The following TMPRSS6 variants were observed in gnomAD, a reference collection of about 807,000 sequenced individuals.
TMPRSS6 encodes the protein transmembrane protease serine 6.
In TMPRSS6, 67 loss-of-function variants were observed where a neutral mutation model predicts 101.5. The ratio of observed to expected loss-of-function variants is 0.66; its 90% CI spans 0.54 to 0.81. The LOEUF is 0.81. TMPRSS6 is among the 30% of genes least tolerant of loss of function. The pLI is 0.00. For missense variants in TMPRSS6, 1,034 were observed against 1,088.7 expected (o/e 0.95, Z 0.71); for synonymous variants, 453 against 464.9 (o/e 0.97, Z 0.33).
intron 2 of TMPRSS6, among the ~76,000 whole-genome samples, chr22:37,102,538 A>G (rs1930411770): frequency 6.6e-6 from 1 of 152,196 alleles, no homozygotes; most frequent in Non-Finnish European, 1.5e-5. Flanking sequence ...GAATGAATGA[A>G]CGGAGGCCTG....
chr22:37,067,236 T>C (rs908531466), intron 16 of TMPRSS6, among the ~76,000 whole-genome samples: 7 of 152,138 alleles, frequency 4.6e-5, no homozygotes, highest in Non-Finnish European at 8.8e-5. Flanking sequence ...TTTGGGAGGC[T>C]GAGGCGGACG....
chr22:37,096,833 G>A (rs1929809697), intron 3 of TMPRSS6, 118 bp from the exon 4 acceptor site: 1 of 1,012,636 alleles, frequency 9.9e-7, no homozygotes, highest in East Asian at 2.6e-5. Context: ...GATTCTCCAA[G>A]GTGGACAGGC....
At chr22:37,076,237 A>C (rs972837661) in intron 10 of TMPRSS6, among the ~76,000 whole-genome samples, 3 of 151,662 alleles carry the variant, frequency 2.0e-5, no homozygotes, top group Admixed American at 2.0e-4. Flanking sequence ...AGGGGGCAGC[A>C]GTGCTCCCCA....
chr22:37,070,998 C>T lies in TMPRSS6; in HGVS notation c.1590G>A (p.Glu530=), dbSNP rs1926847346. The T allele has an allele frequency of 6.2e-7, 1 of 1,613,140 alleles. No homozygotes were observed. The highest frequency in any genetic ancestry group is 8.5e-7 in the Non-Finnish European group (1 of 1,179,912). Residue 530 remains glutamate, a synonymous_variant, in exon 14 of 18, where the codon GAG becomes GAA. Coordinates refer to ENST00000676104, the MANE Select transcript of TMPRSS6 (RefSeq NM_001374504.1). ...TGGGCTTCTTCACGCAGCTCCGGTCCTCACACTGGAAGGTGAATGTCCCAC... is the reference window on the plus strand; with the variant it reads ...TGGGCTTCTTCACGCAGCTCCGGTCTTCACACTGGAAGGTGAATGTCCCAC... ...VPCGTFTFQC[E]DRSCVKKPNP...
intron 10 of TMPRSS6, among the ~76,000 whole-genome samples, chr22:37,078,336 T>G (rs1927854536): frequency 6.6e-6 from 1 of 152,214 alleles, no homozygotes; most frequent in South Asian, 2.1e-4. Context: ...CACCTGTGCC[T>G]GCTACAGGAA....
At chr22:37,093,384 C>CTTTTTTTTTTTTTTTT (rs67659825) in intron 6 of TMPRSS6, among the ~76,000 whole-genome samples, 27 of 82,542 alleles carry the variant, frequency 3.3e-4, no homozygotes, top group African/African-American at 1.2e-3. Context: ...TTCTTTCTTT[C>CTTTTTTTTTTTTTTTT]TTTTTTTTTT....
intron 8 of TMPRSS6, among the ~76,000 whole-genome samples, chr22:37,085,393 AC>A (rs1242935247): frequency 3.9e-5 from 6 of 152,082 alleles, no homozygotes; most frequent in African/African-American, 1.4e-4. Context: ...CAGCTCTGCT[AC>A]CCATTTAGCG....
At chr22:37,108,090 G>A (rs956836494) in intron 1 of TMPRSS6, among the ~76,000 whole-genome samples, 11 of 152,064 alleles carry the variant, frequency 7.2e-5, no homozygotes, top group East Asian at 5.8e-4. Context: ...TCTTTTCCCC[G>A]TCGCACCCCA....
At chr22:37,102,943 A>C (rs1297141699) in intron 2 of TMPRSS6, among the ~76,000 whole-genome samples, 1 of 151,996 alleles carries the variant, frequency 6.6e-6, no homozygotes, top group Non-Finnish European at 1.5e-5. Context: ...GGGTGCTAGG[A>C]GGGCCCACTT....
chr22:37,085,461 G>A (rs916586013), intron 8 of TMPRSS6, among the ~76,000 whole-genome samples: 2 of 152,214 alleles, frequency 1.3e-5, no homozygotes, highest in African/African-American at 4.8e-5. Flanking sequence ...GGGATAAACC[G>A]AGAAGAGGGC....
chr22:37,083,982 C>A, intron 10 of TMPRSS6: 1 of 547,906 alleles, frequency 1.8e-6, no homozygotes, highest in South Asian at 2.9e-5. Flanking sequence ...TTGAGGGTGC[C>A]AGAGGGGGTT....
At chr22:37,067,476 A>C (rs1926411818) in intron 16 of TMPRSS6, among the ~76,000 whole-genome samples, 1 of 149,146 alleles carries the variant, frequency 6.7e-6, no homozygotes, top group Non-Finnish European at 1.5e-5. Flanking sequence ...TCAAAAAAAC[A>C]AAAAAAAGAA....
intron 1 of TMPRSS6, among the ~76,000 whole-genome samples, chr22:37,104,343 G>C (rs1930577474): frequency 6.6e-6 from 1 of 152,154 alleles, no homozygotes. Flanking sequence ...GCTTGCCCAA[G>C]ATCACACAGC....
rs1051237476 is a variant in TMPRSS6, at chr22:37,069,145, G to T, written c.2041C>A (p.Pro681Thr). 1 of 1,573,900 alleles carries T rather than the reference G, an allele frequency of 6.4e-7. No homozygotes were observed. Among genetic ancestry groups the T allele is most frequent in the Non-Finnish European group, 8.6e-7 (1 of 1,161,298 alleles). Residue 681 changes from proline (P) to threonine (T), a missense_variant, in exon 16 of 18, where the codon CCC (proline) becomes ACC (threonine). Physicochemically the swap from Pro to Thr is conservative, Grantham distance 38. Transcript: ENST00000676104. The surrounding 1 kb of genome is among the most constrained non-coding windows in gnomAD (Gnocchi z 4.8). The part of the protein sequence containing the change: ...RSAAVRPVCL[P>T]ARSHFFEPGL... The stretch of plus-strand genomic sequence containing the variant: ...GGCTCGAAGAAGTGGGAGCGCGCGG[G>T]CAGGCAGACGGGGCGCACGGCGGCC...
intron 10 of TMPRSS6, among the ~76,000 whole-genome samples, chr22:37,080,949 T>G (rs1481769456): frequency 6.6e-6 from 1 of 152,266 alleles, no homozygotes; most frequent in African/African-American, 2.4e-5. Context: ...CAGACATGCA[T>G]GGATGTACGC....
At chr22:37,084,586 C>A in intron 9 of TMPRSS6, 141 bp downstream of exon 9, 1 of 852,900 alleles carries the variant, frequency 1.2e-6, no homozygotes, top group Non-Finnish European at 1.9e-6. Flanking sequence ...GCCCTCTCCA[C>A]CCTGGCAGGA....
rs1040857370 is a variant in TMPRSS6 at position 37,103,724 on chromosome 22, C to T, written c.-1-306G>A. ...GACGGAGGTCTCAGTACCTAAACAC[C>T]CACCTCCCTAGAGGCTGCACCCACA... is the stretch of plus-strand genomic sequence containing the variant. On this transcript the variant is annotated intron_variant, in intron 1 of 17. Coordinates refer to ENST00000676104, the MANE Select transcript of TMPRSS6 (RefSeq NM_001374504.1). This position sits in a 1 kb window ranked among gnomAD's most constrained non-coding sequence, Gnocchi z 4.4. 20 of 785,206 alleles carry T rather than the reference C, an allele frequency of 2.5e-5. No individual in the cohort carries two copies. The highest frequency in any genetic ancestry group is 2.0e-4 in the Admixed American group (10 of 49,458). The allele number at this position is 785,206 out of a possible 1,614,324, so 48.6% of individuals were successfully genotyped here. A position where few individuals can be genotyped will look rare whatever the true frequency, so the allele number is the denominator to read the frequency against.
intron 15 of TMPRSS6, among the ~76,000 whole-genome samples, chr22:37,070,092 C>T: frequency 6.6e-6 from 1 of 152,262 alleles, no homozygotes; most frequent in African/African-American, 2.4e-5. Flanking sequence ...TCCCCAGCCC[C>T]ACCTGCTACC....
At position 37,089,567 on chromosome 22, in the gene TMPRSS6, C is replaced by A; in HGVS notation, c.836+11G>T. 1 of 1,602,426 alleles carries A rather than the reference C, an allele frequency of 6.2e-7. No individual in the cohort carries two copies. On this transcript the variant is annotated intron_variant, in intron 7 of 17. Transcript: ENST00000676104. ...CAGCCCTCCCTCCTGCCCTCCTTCC[C>A]AGGGACTCACGAGGTGATGAGCCTC...
Sources: allele counts gnomAD v4.1 joint callset (sites outside exome capture counted in the v4.1 genomes callset), GRCh38; gene constraint gnomAD v4.1.1; non-coding constraint Gnocchi (gnomAD v3.1); transcripts MANE v1.5; gene names NCBI Gene and HGNC (gene_info 2026-07-23, HGNC 2026-07-21).